The following CCDC154 variants were observed in gnomAD, a reference collection of about 807,000 sequenced individuals.
The protein encoded by CCDC154 is coiled-coil domain-containing protein 154.
In CCDC154, 91 loss-of-function variants were observed where a neutral mutation model predicts 87.5. The ratio of observed to expected loss-of-function variants is 1.04; its 90% confidence interval spans 0.88 to 1.24. CCDC154 has a LOEUF of 1.24. CCDC154 is among the 50% of genes most tolerant of loss of function. The pLI, the probability that CCDC154 is intolerant of heterozygous loss-of-function variation, is 0.00. For synonymous variants in CCDC154, 418 were observed against 400.4 expected (o/e 1.04, Z -0.52); for missense variants, 903 against 879.2 (o/e 1.03, Z -0.34).
chr16:1,438,675 A>C lies in CCDC154; in HGVS notation c.969T>G (p.Phe323Leu). Residue 323 changes from phenylalanine to leucine, a missense_variant, in exon 9 of 17, where the codon TTT becomes TTG. Physicochemically the swap from Phe to Leu is conservative, Grantham distance 22. Transcript: ENST00000389176. The stretch of plus-strand genomic sequence containing the variant: ...TCAGCGACGCCTGGTTCTGCTGCAC[A>C]AACTTGGTCAGCTGGGCCACGGCAG... ...LDAAVAQLTK[F>L]VQQNQASLNR... 6.5e-7 allele frequency: 1 copy of C among 1,550,054 alleles called. No homozygotes were observed. Among genetic ancestry groups the C allele is most frequent in the African/African-American group, 1.4e-5 (1 of 73,152 alleles).
At position 1,435,404 on chromosome 16, in the gene CCDC154, C is replaced by T. The variant is rs2038491924; in HGVS notation, c.1606-229G>A. 14 of 574,514 alleles carry T rather than the reference C, an allele frequency of 2.4e-5. No individual in the cohort carries two copies. In the South Asian group the frequency reaches 2.7e-4, roughly 11 times the overall value. The allele number at this position is 574,514 out of a possible 1,614,324, so 35.6% of individuals were successfully genotyped here. A position where few individuals can be genotyped will look rare whatever the true frequency, so the allele number is the denominator to read the frequency against. ...GGCCAGGGCTCAGGGTTGTTCCGGC[C>T]CTCGTGGCTGCGGACGGCACCCCGG... On this transcript the variant is annotated intron_variant, in intron 14 of 16. Coordinates refer to ENST00000389176, the MANE Select transcript of CCDC154 (RefSeq NM_001143980.3).
At chr16:1,443,420 G>C in intron 3 of CCDC154, 86 bp downstream of exon 3, 1 of 1,435,610 alleles carries the variant, frequency 7.0e-7, no homozygotes. Context: ...GGGCAGCAGG[G>C]GTGAGCTGGG....
chr16:1,443,275 C>A lies in CCDC154; in HGVS notation c.441G>T (p.Gln147His). The change falls in exon 4 of 17, where the codon CAG becomes CAT. Residue 147 changes from glutamine to histidine, a missense_variant. Gln to His is a conservative substitution (Grantham distance 24). Transcript: ENST00000389176. Reference protein sequence around the residue: ...PEFSGLQNQMQALDKRLVEVR... With the variant: ...PEFSGLQNQMHALDKRLVEVR... The stretch of plus-strand genomic sequence containing the variant: ...GTGGGGGGTACCTTTTGTCCAGGGC[C>A]TGCATCTGGTTCTGGAGACCAGAGA... 6.5e-7 allele frequency: 1 copy of A among 1,549,296 alleles called. No individual in the cohort carries two copies. The highest frequency in any genetic ancestry group is 1.2e-5 in the South Asian group (1 of 84,024).
intron 2 of CCDC154, 21 bp downstream of exon 2, chr16:1,443,775 A>G: frequency 7.7e-7 from 1 of 1,305,162 alleles, no homozygotes; most frequent in Non-Finnish European, 1.0e-6. Flanking sequence ...CTCCCCCGCC[A>G]GCACCCCCTG....
chr16:1,443,556 G>GC lies in CCDC154; in HGVS notation c.363dup (p.Gln122AlafsTer181), dbSNP rs2038577955. ...TGGGCTGCCGGCCGCGCCTCCTGCT[G>GC]CAACTGCCTCAGCTCTGAGCCCTGC... is the stretch of plus-strand genomic sequence containing the variant. On this transcript the variant is annotated frameshift_variant, in exon 3 of 17. Transcript: ENST00000389176. LOFTEE classifies it high-confidence loss of function. 14 of 1,481,524 alleles carry GC rather than the reference G, an allele frequency of 9.4e-6. No homozygotes were observed. Among genetic ancestry groups the GC allele is most frequent in the Non-Finnish European group, 1.2e-5 (13 of 1,120,970 alleles). 91.8% of individuals were successfully genotyped at this position (1,481,524 alleles called of 1,614,324 possible).
intron 2 of CCDC154, 46 bp downstream of exon 2, chr16:1,443,750 G>A (rs753303760): frequency 4.9e-5 from 64 of 1,304,208 alleles, no homozygotes; most frequent in Middle Eastern, 2.2e-4. Context: ...AGGCGGAGGC[G>A]GCGGCGACGT....
chr16:1,442,054 C>T (rs922111285), intron 6 of CCDC154, among the ~76,000 whole-genome samples: 6 of 152,134 alleles, frequency 3.9e-5, no homozygotes, highest in African/African-American at 1.4e-4. Flanking sequence ...GTAGCTGAGG[C>T]TACAGGTGCC....
intron 9 of CCDC154, chr16:1,438,401 C>T: frequency 1.4e-6 from 1 of 734,272 alleles, no homozygotes. Context: ...TCCCCATGGC[C>T]ACAGCTGAGT....
At chr16:1,434,933 G>A in intron 15 of CCDC154, 81 bp from the exon 16 acceptor site, 1 of 1,441,100 alleles carries the variant, frequency 6.9e-7, no homozygotes, top group Admixed American at 2.5e-5. Flanking sequence ...TCTCCCACCG[G>A]GAGCCTGGAA....
rs968149139 is a variant in CCDC154, at chr16:1,436,720, C to T, written c.1382G>A (p.Arg461Gln). Reference sequence around the variant, plus strand: ...CTGGGGGAGGCCATCCACCTTCTCCCGCACCCCTCGCAGGTGTTCGGTCAC... The same window carrying T: ...CTGGGGGAGGCCATCCACCTTCTCCTGCACCCCTCGCAGGTGTTCGGTCAC... ...KEVTEHLRGV[R>Q]EKVDGLPQQI... The change falls in exon 12 of 17, where the codon CGG (arginine) becomes CAG (glutamine). Residue 461 changes from arginine (R) to glutamine (Q), a missense_variant. Transcript: ENST00000389176. 1.2e-5 allele frequency: 19 copies of T among 1,550,222 alleles called. No individual in the cohort carries two copies. Among genetic ancestry groups the T allele is most frequent in the East Asian group, 2.4e-5 (1 of 40,926 alleles).
rs765115110 is a variant in CCDC154, at chr16:1,438,757, G to A, written c.907-20C>T. ...GCTCTCCTGCCAGGGGGTGGAGGCC[G>A]CCCTGAGACCTGCACCCCGGCCCCG... On this transcript the variant is annotated intron_variant, in intron 8 of 16. Coordinates refer to ENST00000389176, the MANE Select transcript of CCDC154 (RefSeq NM_001143980.3). 62 of 1,547,334 alleles carry A rather than the reference G, an allele frequency of 4.0e-5. No individual in the cohort carries two copies. Among genetic ancestry groups the A allele is most frequent in the Non-Finnish European group, 5.1e-5 (59 of 1,145,758 alleles).
In CCDC154 at chr16:1,436,685, C is replaced by T. The variant is rs1313694872; in HGVS notation, c.1410+7G>A. 5.2e-6 allele frequency: 8 copies of T among 1,549,828 alleles called. No homozygotes were observed. The highest frequency in any genetic ancestry group is 4.1e-5 in the African/African-American group (3 of 73,022). ...AGTACACCAAGGCTGGCTGTGCCTT[C>T]GCCCACCTGCTGGGGGAGGCCATCC... On this transcript the variant is annotated splice_region_variant and intron_variant, in intron 12 of 16. Transcript: ENST00000389176.
At position 1,443,164 on chromosome 16, in the gene CCDC154, C is replaced by G. The variant is rs950720452; in HGVS notation, c.455+97G>C. On this transcript the variant is annotated intron_variant, in intron 4 of 16. Coordinates refer to ENST00000389176, the MANE Select transcript of CCDC154 (RefSeq NM_001143980.3). ...ATGTGTATCCCCCACTCCAGCGACACCCAGCGGGAGATGTGGACCCCCCAC... is the reference window on the plus strand; with the variant it reads ...ATGTGTATCCCCCACTCCAGCGACAGCCAGCGGGAGATGTGGACCCCCCAC... The G allele has an allele frequency of 5.9e-5, 84 of 1,434,940 alleles. No individual in the cohort carries two copies. The East Asian group carries it at 2.1e-3, about 35-fold the overall frequency. 88.9% of individuals were successfully genotyped at this position (1,434,940 alleles called of 1,614,324 possible).
Position 1,434,393 on chromosome 16 carries a change from A to G in CCDC154, c.*15T>C. The G allele has an allele frequency of 6.5e-7, 1 of 1,549,902 alleles. No individual in the cohort carries two copies. The highest frequency in any genetic ancestry group is 8.7e-7 in the Non-Finnish European group (1 of 1,146,682). On this transcript the variant is annotated 3_prime_UTR_variant, in exon 17 of 17. Transcript: ENST00000389176. ...TCAGGGAACCTCAGCTCTAATGAGT[A>G]CAAAGCCAGCACGTTTATTTCTGGA...
At chr16:1,440,971 TAGCC>T (rs1186292135) in intron 6 of CCDC154, among the ~76,000 whole-genome samples, 8 of 140,494 alleles carry the variant, frequency 5.7e-5, no homozygotes, top group Non-Finnish European at 3.1e-5. Flanking sequence ...AAAAAAAAAT[TAGCC>T]AGGCATGGTG....
chr16:1,442,388 G>C lies in CCDC154; in HGVS notation c.675+18C>G. On this transcript the variant is annotated intron_variant, in intron 6 of 16. Coordinates refer to ENST00000389176, the MANE Select transcript of CCDC154 (RefSeq NM_001143980.3). ...CGGCCCTCTGGGCGGCCCCCCTGAA[G>C]CCTGGGCCTGGTGGTACCTGCATTC... 1 of 1,539,530 alleles carries C rather than the reference G, an allele frequency of 6.5e-7. No individual in the cohort carries two copies. Among genetic ancestry groups the C allele is most frequent in the Non-Finnish European group, 8.8e-7 (1 of 1,141,642 alleles).
Position 1,437,942 on chromosome 16 carries a change from T to G in CCDC154, c.1165A>C (p.Ser389Arg). The change falls in exon 11 of 17, where the codon AGC (serine) becomes CGC (arginine). Residue 389 changes from serine (S) to arginine (R), a missense_variant. Transcript: ENST00000389176. ...HGELVLLREK[S>R]RALEASVAQL... ...GCCACGGATGCCTCCAGAGCCCGGC[T>G]CTTCTCTCGGAGCTGCAGGGGACAG... is the stretch of plus-strand genomic sequence containing the variant. 6.5e-7 allele frequency: 1 copy of G among 1,546,296 alleles called. No individual in the cohort carries two copies. Among genetic ancestry groups the G allele is most frequent in the Non-Finnish European group, 8.7e-7 (1 of 1,145,438 alleles).
At chr16:1,436,912 C>T in intron 11 of CCDC154, 101 bp from the exon 12 acceptor site, 6 of 1,461,012 alleles carry the variant, frequency 4.1e-6, no homozygotes, top group South Asian at 2.6e-5. Context: ...GGCCCCCACC[C>T]CCACTTCCAG....
At chr16:1,443,037 G>A in intron 4 of CCDC154, 62 bp from the exon 5 acceptor site, 2 of 1,534,494 alleles carry the variant, frequency 1.3e-6, no homozygotes, top group Admixed American at 3.9e-5. Context: ...GGCGGGCTGG[G>A]GGTCTGGCCA....
Sources: gnomAD v4.1 joint callset for allele counts (sites outside exome capture counted in the v4.1 genomes callset) on GRCh38, gnomAD v4.1.1 for gene constraint, MANE v1.5 for transcripts, NCBI Gene and HGNC (gene_info 2026-07-23, HGNC 2026-07-21) for gene names.